PLXNA2: variants seen among roughly 807,000 people sequenced by gnomAD.
The protein encoded by PLXNA2 is plexin-A2.
In PLXNA2, 91 loss-of-function variants were observed where a neutral mutation model predicts 193.5. That is an observed-to-expected ratio of 0.47 (90% confidence interval 0.40 to 0.56). The LOEUF (loss-of-function observed/expected upper bound fraction) is 0.56, where lower values mean the gene tolerates loss of function less well. Ranked by LOEUF, PLXNA2 falls within the 20% of genes least tolerant of loss-of-function variation. PLXNA2 has a pLI of 0.00. For missense variants in PLXNA2, 1,995 were observed against 2,503.2 expected, an observed-to-expected ratio of 0.80 and a Z score of 4.33; for synonymous variants, 997 against 1,027.3, an observed-to-expected ratio of 0.97 and a Z score of 0.56.
At chr1:208,118,702 G>C (rs1667715655) in intron 4 of PLXNA2, among the ~76,000 whole-genome samples, 1 of 152,066 alleles carries the variant, frequency 6.6e-6, no homozygotes, top group South Asian at 2.1e-4. Context: ...GGGGGTCACA[G>C]AGAGGGGAAC....
chr1:208,235,260 C>T lies in PLXNA2; in HGVS notation c.-81+8383G>A, dbSNP rs374304393. Among the ~76,000 whole-genome samples, 41 of 152,296 alleles carry T rather than the reference C, an allele frequency of 2.7e-4. No individual in the cohort carries two copies. The East Asian group carries it at 6.6e-3, about 24-fold the overall frequency. ...TCCCATCTCCACCAAGTCTTCAGCC[C>T]TTTATTCTTTAGCATAGAGATTTTC... is the stretch of plus-strand genomic sequence containing the variant. On this transcript the variant is annotated intron_variant, in intron 1 of 31. Transcript: ENST00000367033.
At chr1:208,122,716 A>C (rs894815716) in intron 4 of PLXNA2, among the ~76,000 whole-genome samples, 1 of 152,148 alleles carries the variant, frequency 6.6e-6, no homozygotes, top group Non-Finnish European at 1.5e-5. Context: ...TAGGAGAACA[A>C]GGCAGGGGGA....
At position 208,244,304 on chromosome 1, in the gene PLXNA2, T is replaced by TGGCGGCGGC. The variant is rs750500251; in HGVS notation, c.-751_-743dup. The TGGCGGCGGC allele has an allele frequency of 2.6e-5, 5 of 194,218 alleles. No homozygotes were observed. Among genetic ancestry groups the TGGCGGCGGC allele is most frequent in the East Asian group, 1.7e-4 (1 of 5,940 alleles). 12.0% of individuals were successfully genotyped at this position (194,218 alleles called of 1,614,324 possible). ...CTCCCGGCAGCTCTGGCTCCCGCGG[T>TGGCGGCGGC]GGCGGCGGCGGCGGCGGCGGCGGCG... is the stretch of plus-strand genomic sequence containing the variant. On this transcript the variant is annotated 5_prime_UTR_variant, in exon 1 of 32. Coordinates refer to ENST00000367033, the MANE Select transcript of PLXNA2 (RefSeq NM_025179.4).
chr1:208,210,070 A>T, intron 3 of PLXNA2: 1 of 451,646 alleles, frequency 2.2e-6, no homozygotes, highest in East Asian at 4.3e-5. Context: ...ATACGCTTGC[A>T]TTCCTTACAT....
At chr1:208,187,276 C>A (rs528276313) in intron 3 of PLXNA2, among the ~76,000 whole-genome samples, 105 of 152,234 alleles carry the variant, frequency 6.9e-4, no homozygotes, top group African/African-American at 2.4e-3. Flanking sequence ...GGGTGATTAG[C>A]CCTGCAATTA....
At position 208,121,922 on chromosome 1, in the gene PLXNA2, C is replaced by T. The variant is rs141666815; in HGVS notation, c.1507-18675G>A. Among the ~76,000 whole-genome samples the T allele has an allele frequency of 2.1e-3, 320 of 152,218 alleles. 6 individuals are homozygous for T. In the South Asian group the frequency reaches 0.031, roughly 15 times the overall value. On this transcript the variant is annotated intron_variant, in intron 4 of 31. Transcript: ENST00000367033. Reference sequence around the variant, plus strand: ...ACACATGCTCACATCACAGCTCACACGGATACTCCATACACACATTCATGT... The same window carrying T: ...ACACATGCTCACATCACAGCTCACATGGATACTCCATACACACATTCATGT...
chr1:208,039,850 C>G (rs1664807058), intron 23 of PLXNA2, 83 bp from the exon 24 acceptor site: 1 of 1,602,680 alleles, frequency 6.2e-7, no homozygotes, highest in African/African-American at 1.3e-5. Context: ...GGAGCGAGGC[C>G]AGTGGAAGGA....
At position 208,029,011 on chromosome 1, in the gene PLXNA2, T is replaced by C; in HGVS notation, c.5257A>G (p.Lys1753Glu). The C allele has an allele frequency of 6.2e-7, 1 of 1,613,994 alleles. No individual in the cohort carries two copies. Among genetic ancestry groups the C allele is most frequent in the Non-Finnish European group, 8.5e-7 (1 of 1,179,998 alleles). The change falls in exon 30 of 32, where the codon AAG (lysine) becomes GAG (glutamate). Residue 1753 changes from lysine (K) to glutamate (E), a missense_variant. Coordinates refer to ENST00000367033, the MANE Select transcript of PLXNA2 (RefSeq NM_025179.4). Reference sequence around the variant, plus strand: ...ATGTCAAACACGAACTGGGGGTTCTTAATCACGTTCACCCAGAAGCGCAGA... The same window carrying C: ...ATGTCAAACACGAACTGGGGGTTCTCAATCACGTTCACCCAGAAGCGCAGA... ...LPLRFWVNVI[K>E]NPQFVFDIHK...
At chr1:208,220,411 CACTTA>C (rs1267499119) in intron 1 of PLXNA2, among the ~76,000 whole-genome samples, 1 of 152,000 alleles carries the variant, frequency 6.6e-6, no homozygotes, top group Non-Finnish European at 1.5e-5. Context: ...ACACAGTGAG[CACTTA>C]ACTTATGTTA....
Position 208,042,085 on chromosome 1 carries a change from C to T in PLXNA2, c.4286+13G>A, listed in dbSNP as rs1261431461. ...CTCCTGCCACCCTCTCCACCCACTG[C>T]TGCGGGCCAGACCTCCGGAGTAGCA... On this transcript the variant is annotated intron_variant, in intron 22 of 31. Transcript: ENST00000367033. 1.2e-6 allele frequency: 2 copies of T among 1,611,904 alleles called. No homozygotes were observed. Among genetic ancestry groups the T allele is most frequent in the Admixed American group, 3.3e-5 (2 of 59,892 alleles).
At position 208,044,979 on chromosome 1, in the gene PLXNA2, A is replaced by G. The variant is rs1371391439; in HGVS notation, c.3639+88T>C. The G allele has an allele frequency of 2.7e-6, 4 of 1,501,696 alleles. No homozygotes were observed. The highest frequency in any genetic ancestry group is 3.7e-6 in the Non-Finnish European group (4 of 1,086,250). 93.0% of individuals were successfully genotyped at this position (1,501,696 alleles called of 1,614,324 possible). A position where few individuals can be genotyped will look rare whatever the true frequency, so the allele number is the denominator to read the frequency against. ...AGATATGGAGGGGGTGAGTCAGGCAACGAGACAGAAGAGAGCCTTTCCTTA... is the reference window on the plus strand; with the variant it reads ...AGATATGGAGGGGGTGAGTCAGGCAGCGAGACAGAAGAGAGCCTTTCCTTA... On this transcript the variant is annotated intron_variant, in intron 19 of 31. Transcript: ENST00000367033. This position sits in a 1 kb window ranked among gnomAD's most constrained non-coding sequence, Gnocchi z 4.9.
Position 208,096,065 on chromosome 1 carries a change from G to T in PLXNA2, c.1946C>A (p.Thr649Asn). 6.2e-7 allele frequency: 1 copy of T among 1,614,088 alleles called. No individual in the cohort carries two copies. Among genetic ancestry groups the T allele is most frequent in the Non-Finnish European group, 8.5e-7 (1 of 1,179,990 alleles). ...ACTGCAGTTGTAAAACTTGAACTCG[G>T]TGCTGACAAATATCTTCCCTGTCTC... is the stretch of plus-strand genomic sequence containing the variant. ...SKETGKIFVS[T>N]EFKFYNCSAH... The change falls in exon 8 of 32, where the codon ACC (threonine) becomes AAC (asparagine). Residue 649 changes from threonine to asparagine, a missense_variant. Thr to Asn is a moderately conservative substitution (Grantham distance 65, BLOSUM62 0). Around this residue, in one of 3 missense-constraint regions of PLXNA2, gnomAD observed 1,291 missense variants for 1,673.6 expected, o/e 0.77. Transcript: ENST00000367033.
chr1:208,223,376 T>C (rs935592387), intron 1 of PLXNA2, among the ~76,000 whole-genome samples: 1 of 152,080 alleles, frequency 6.6e-6, no homozygotes. Flanking sequence ...CCATTGTAGG[T>C]GGAAGGGTCC....
At chr1:208,218,622 C>T (rs1013497136) in intron 1 of PLXNA2, among the ~76,000 whole-genome samples, 1 of 152,210 alleles carries the variant, frequency 6.6e-6, no homozygotes, top group Non-Finnish European at 1.5e-5. Flanking sequence ...CCTTTCTTCT[C>T]CAGCAAGAAG....
chr1:208,031,735 C>T lies in PLXNA2; in HGVS notation c.5080G>A (p.Asp1694Asn), dbSNP rs760643170. The change falls in exon 29 of 32, where the codon GAC (aspartate) becomes AAC (asparagine). Residue 1694 changes from aspartate to asparagine, a missense_variant. This residue lies in a region of PLXNA2 where 1,291 missense variants were observed against 1,673.6 expected (regional missense o/e 0.77). Transcript: ENST00000367033. ...GTGCTGAACAAGGTCTCAAACAAGT[C>T]GTCCACAAACTTCTGCAGGGTGCCC... ...TKGTLQKFVD[D>N]LFETLFSTVH... 70 of 1,606,844 alleles carry T rather than the reference C, an allele frequency of 4.4e-5. No individual in the cohort carries two copies. The highest frequency in any genetic ancestry group is 2.5e-4 in the South Asian group (23 of 90,658).
intron 3 of PLXNA2, among the ~76,000 whole-genome samples, chr1:208,198,564 G>A (rs1047490739): frequency 1.3e-5 from 2 of 152,222 alleles, no homozygotes; most frequent in Non-Finnish European, 2.9e-5. Flanking sequence ...GACCCAGGCC[G>A]AGAGGGATGG....
chr1:208,041,796 G>A (rs1469130666), intron 22 of PLXNA2, among the ~76,000 whole-genome samples: 1 of 152,222 alleles, frequency 6.6e-6, no homozygotes, highest in Non-Finnish European at 1.5e-5. Context: ...ACAACAGAGT[G>A]GTTACAACAC....
chr1:208,096,031 T>C lies in PLXNA2; in HGVS notation c.1980A>G (p.Gln660=), dbSNP rs11118983. The change falls in exon 8 of 32, where the codon CAA becomes CAG. Residue 660 remains glutamine, a splice_region_variant and synonymous_variant. Transcript: ENST00000367033. ...GACCCTTTCTAATAAGCACTTACAGTTGGTGGGCACTGCAGTTGTAAAACT... is the reference window on the plus strand; with the variant it reads ...GACCCTTTCTAATAAGCACTTACAGCTGGTGGGCACTGCAGTTGTAAAACT... ...EFKFYNCSAH[Q]LCLSCVNSAF... 6.2e-7 allele frequency: 1 copy of C among 1,610,994 alleles called. No individual in the cohort carries two copies. The highest frequency in any genetic ancestry group is 8.5e-7 in the Non-Finnish European group (1 of 1,177,246).
At chr1:208,031,105 C>CG in intron 29 of PLXNA2, 2 of 997,248 alleles carry the variant, frequency 2.0e-6, no homozygotes, top group South Asian at 8.6e-5. Context: ...GGTGTGAACT[C>CG]CCTCTCCGGT....
Sources: gnomAD v4.1 joint callset for allele counts (sites outside exome capture counted in the v4.1 genomes callset) on GRCh38, gnomAD v4.1.1 for gene constraint, gnomAD v4.1.1 regional missense constraint, Gnocchi (gnomAD v3.1) non-coding constraint, MANE v1.5 for transcripts, NCBI Gene and HGNC (gene_info 2026-07-23, HGNC 2026-07-21) for gene names.